The following SPATA13 variants were observed in gnomAD, a reference collection of about 807,000 sequenced individuals.
SPATA13 encodes the protein spermatogenesis associated 13.
A neutral mutation model predicts 104.0 loss-of-function variants in SPATA13; 50 were observed. That is an observed-to-expected ratio of 0.48 (90% CI 0.38 to 0.61). The LOEUF (loss-of-function observed/expected upper bound fraction) is 0.61. Among genes scored for constraint, SPATA13 ranks in the 20% least tolerant of loss-of-function variants. The probability of loss-of-function intolerance (pLI) is 0.00; values close to 1 mark genes in which losing one functional copy is unlikely to be tolerated. For synonymous variants in SPATA13, 606 were observed against 667.5 expected (o/e 0.91, Z 1.42); for missense variants, 1,524 against 1,690.6 (o/e 0.90, Z 1.73).
chr13:24,219,324 C>A lies in SPATA13; in HGVS notation c.-111-3495C>A, dbSNP rs150481845. 2.2e-4 allele frequency among the ~76,000 whole-genome samples: 34 copies of A among 152,338 alleles called. No homozygotes were observed. The East Asian group carries it at 6.2e-3, about 28-fold the overall frequency. ...CACACAACAATCACGTTGTTCAGCT[C>A]AGGAACAAAATACTAAGTCACTGGT... On this transcript the variant is annotated intron_variant, in intron 1 of 12. Coordinates refer to ENST00000382108, the MANE Select transcript of SPATA13 (RefSeq NM_001166271.3).
At chr13:24,181,972 G>C (rs921372786) in intron 1 of SPATA13, among the ~76,000 whole-genome samples, 1 of 152,088 alleles carries the variant, frequency 6.6e-6, no homozygotes, top group Admixed American at 6.6e-5. Flanking sequence ...AAAATTAGCC[G>C]GATGTGGTGG....
chr13:24,215,023 T>C (rs1451039783), intron 1 of SPATA13, among the ~76,000 whole-genome samples: 1 of 152,194 alleles, frequency 6.6e-6, no homozygotes, highest in Non-Finnish European at 1.5e-5. Flanking sequence ...TATTCCTGAA[T>C]TCTGTGTGTT....
chr13:24,070,431 G>A lies in SPATA13; in HGVS notation c.-112+52730G>A, dbSNP rs550186075. Among the ~76,000 whole-genome samples the A allele has an allele frequency of 3.9e-5, 6 of 152,280 alleles. No individual in the cohort carries two copies. The South Asian group carries it at 8.3e-4, about 21-fold the overall frequency. On this transcript the variant is annotated intron_variant, in intron 3 of 14. Coordinates refer to the SPATA13 transcript ENST00000424834. ...GAGAGAGAGGAGATATCTCTTTCCAGAAGTCCATGTACTTGGCGTCTCTGG... is the reference window on the plus strand; with the variant it reads ...GAGAGAGAGGAGATATCTCTTTCCAAAAGTCCATGTACTTGGCGTCTCTGG...
chr13:24,128,221 T>G (rs1045798688), intron 3 of SPATA13, among the ~76,000 whole-genome samples: 1 of 152,178 alleles, frequency 6.6e-6, no homozygotes, highest in Admixed American at 6.5e-5. Context: ...AGAATTGGAC[T>G]CCACAATGGC....
At chr13:24,216,126 G>A (rs1240255723) in intron 1 of SPATA13, among the ~76,000 whole-genome samples, 1 of 152,180 alleles carries the variant, frequency 6.6e-6, no homozygotes, top group Non-Finnish European at 1.5e-5. Context: ...CTCAGAGGCT[G>A]TCACTGTGCA....
rs966698176 is a variant in SPATA13 at position 23,982,637 on chromosome 13, G to A, written c.-353-1090G>A. Among the ~76,000 whole-genome samples the A allele has an allele frequency of 5.9e-5, 9 of 152,258 alleles. No homozygotes were observed. The South Asian group carries it at 1.5e-3, about 25-fold the overall frequency. On this transcript the variant is annotated intron_variant, in intron 1 of 14. Coordinates refer to the SPATA13 transcript ENST00000424834. ...ATTTCATAGGTAGAAAAACTGAGTT[G>A]TAGTGATTAGCATATGAAATATTTT... is the stretch of plus-strand genomic sequence containing the variant.
intron 2 of SPATA13, among the ~76,000 whole-genome samples, chr13:23,987,617 G>A (rs1008211295): frequency 2.6e-5 from 4 of 152,178 alleles, no homozygotes; most frequent in African/African-American, 9.7e-5. Flanking sequence ...TAATTAGAAG[G>A]TAAAAGCCCC....
At chr13:24,090,431 G>A (rs1186346028) in intron 3 of SPATA13, among the ~76,000 whole-genome samples, 1 of 152,132 alleles carries the variant, frequency 6.6e-6, no homozygotes, top group African/African-American at 2.4e-5. Flanking sequence ...AACCATCTAA[G>A]GTTAACTATC....
rs1392053384 is a variant in SPATA13 at position 24,305,986 on chromosome 13, G to A, written c.*3213G>A. On this transcript the variant is annotated 3_prime_UTR_variant, in exon 13 of 13. Coordinates refer to ENST00000382108, the MANE Select transcript of SPATA13 (RefSeq NM_001166271.3). ...GCAGTAGTATGCTGGAGCTTCCCTG[G>A]GATACCAGCCACATGGTTTCTTTTC... The A allele has an allele frequency of 6.6e-6, 1 of 152,158 alleles. No homozygotes were observed. Among genetic ancestry groups the A allele is most frequent in the African/African-American group, 2.4e-5 (1 of 41,438 alleles). 9.4% of individuals were successfully genotyped at this position (152,158 alleles called of 1,614,324 possible).
intron 3 of SPATA13, among the ~76,000 whole-genome samples, chr13:24,052,481 A>G (rs1347676289): frequency 1.5e-5 from 2 of 131,874 alleles, no homozygotes; most frequent in Admixed American, 1.8e-4. Context: ...ATTGATAAAA[A>G]GAAATATATG....
chr13:23,997,622 G>A (rs1266176808), intron 2 of SPATA13, among the ~76,000 whole-genome samples: 2 of 152,144 alleles, frequency 1.3e-5, no homozygotes, highest in Non-Finnish European at 2.9e-5. Flanking sequence ...TGCTTCTGCA[G>A]GTTATACAGG....
chr13:24,140,272 A>G (rs539255093), intron 3 of SPATA13, among the ~76,000 whole-genome samples: 163 of 152,272 alleles, frequency 1.1e-3, no homozygotes, highest in African/African-American at 3.7e-3. Context: ...TAATCTGTGA[A>G]CACCACGGTG....
At chr13:24,012,427 A>G (rs1005764345) in intron 2 of SPATA13, among the ~76,000 whole-genome samples, 2 of 152,232 alleles carry the variant, frequency 1.3e-5, no homozygotes, top group African/African-American at 4.8e-5. Context: ...CCACCCAGGT[A>G]CACCATTAGG....
In SPATA13 at chr13:24,220,653, C is replaced by T. The variant is rs185427116; in HGVS notation, c.-111-2166C>T. 1.4e-3 allele frequency among the ~76,000 whole-genome samples: 219 copies of T among 152,352 alleles called. 2 individuals are homozygous for T. The highest frequency in any genetic ancestry group is 5.1e-3 in the African/African-American group (211 of 41,578). ...ATGTAACCCCCAGCTCCTCTGGCCCCCTAATTCCTCCATTAGAACATTAAA... is the reference window on the plus strand; with the variant it reads ...ATGTAACCCCCAGCTCCTCTGGCCCTCTAATTCCTCCATTAGAACATTAAA... On this transcript the variant is annotated intron_variant, in intron 1 of 12. Transcript: ENST00000382108.
intron 3 of SPATA13, among the ~76,000 whole-genome samples, chr13:24,066,306 A>AT (rs1271960754): frequency 6.6e-6 from 1 of 152,036 alleles, no homozygotes; most frequent in African/African-American, 2.4e-5. Flanking sequence ...CACATACCTC[A>AT]TTTCACCTGA....
intron 3 of SPATA13, among the ~76,000 whole-genome samples, chr13:24,110,410 G>T (rs1383950681): frequency 6.6e-6 from 1 of 152,134 alleles, no homozygotes; most frequent in Non-Finnish European, 1.5e-5. Flanking sequence ...AGGATTGATG[G>T]AAACAGATCC....
At chr13:24,154,224 T>G (rs1882190762) in intron 3 of SPATA13, among the ~76,000 whole-genome samples, 1 of 152,230 alleles carries the variant, frequency 6.6e-6, no homozygotes, top group Non-Finnish European at 1.5e-5. Flanking sequence ...AGAGTGTGAT[T>G]TTTTTTCCAC....
chr13:24,220,266 C>T (rs1871499856), intron 1 of SPATA13, among the ~76,000 whole-genome samples: 2 of 152,098 alleles, frequency 1.3e-5, no homozygotes, highest in Non-Finnish European at 2.9e-5. Context: ...TGTCTTGGGC[C>T]CTTGTTTCCT....
intron 2 of SPATA13, among the ~76,000 whole-genome samples, chr13:24,234,450 C>G (rs1872461910): frequency 6.6e-6 from 1 of 152,100 alleles, no homozygotes; most frequent in African/African-American, 2.4e-5. Context: ...TTGAACTTCT[C>G]TATAACAATT....
Sources: allele counts gnomAD v4.1 joint callset (sites outside exome capture counted in the v4.1 genomes callset), GRCh38; gene constraint gnomAD v4.1.1; transcripts MANE v1.5; gene names NCBI Gene and HGNC (gene_info 2026-07-23, HGNC 2026-07-21).